SBF2: variants seen among roughly 807,000 people sequenced by gnomAD.
The protein encoded by SBF2 is myotubularin-related protein 13.
SBF2 carries 112 observed loss-of-function variants against 225.2 expected under a neutral mutation model. The ratio of observed to expected loss-of-function variants is 0.50; its 90% CI spans 0.43 to 0.58. The LOEUF is 0.58. Ranked by LOEUF, SBF2 falls within the 20% of genes least tolerant of loss-of-function variation. The pLI, the probability that SBF2 is intolerant of heterozygous loss-of-function variation, is 0.00. For missense variants in SBF2, 1,996 were observed against 2,206.2 expected, an observed-to-expected ratio of 0.90 and a Z score of 1.91; for synonymous variants, 763 against 773.3, an observed-to-expected ratio of 0.99 and a Z score of 0.22.
At position 9,968,365 on chromosome 11, in the gene SBF2, C is replaced by A. The variant is rs771998889; in HGVS notation, c.1576G>T (p.Val526Phe). ...CCAACAGGTGGACCTGCTGGCACAACACATTTCTTTTCTATTCGTGTGGCA... is the reference window on the plus strand; with the variant it reads ...CCAACAGGTGGACCTGCTGGCACAAAACATTTCTTTTCTATTCGTGTGGCA... ...PPATRIEKKC[V>F]VPAGPPVVSI... is the part of the protein sequence containing the mutation. Residue 526 changes from valine to phenylalanine, a missense_variant, in exon 14 of 40, where the codon GTT becomes TTT. Transcript: ENST00000256190. 2 of 1,614,118 alleles carry A rather than the reference C, an allele frequency of 1.2e-6. No individual in the cohort carries two copies. The highest frequency in any genetic ancestry group is 2.2e-5 in the South Asian group (2 of 91,080).
At chr11:9,878,650 G>C (rs180951996) in intron 17 of SBF2, among the ~76,000 whole-genome samples, 46 of 152,214 alleles carry the variant, frequency 3.0e-4, no homozygotes, top group Middle Eastern at 6.8e-3. Flanking sequence ...CTTAAATATA[G>C]GTACTGGAGG....
chr11:10,292,715 A>AG (rs974380070), intron 1 of SBF2, among the ~76,000 whole-genome samples: 1 of 146,354 alleles, frequency 6.8e-6, no homozygotes, highest in African/African-American at 2.5e-5. Flanking sequence ...AAAAGTGGGG[A>AG]GGGGGGGAGG....
At chr11:9,994,121 T>G (rs1947561195) in intron 9 of SBF2, 123 bp from the exon 10 acceptor site, 1 of 784,094 alleles carries the variant, frequency 1.3e-6, no homozygotes. Flanking sequence ...TACAATTCAA[T>G]TAGCTGGGGT....
At chr11:10,060,657 G>A (rs1461819600) in intron 2 of SBF2, among the ~76,000 whole-genome samples, 1 of 152,126 alleles carries the variant, frequency 6.6e-6, no homozygotes, top group Non-Finnish European at 1.5e-5. Flanking sequence ...ACTGAGTCCA[G>A]CAGCACATCA....
chr11:10,100,583 T>C (rs1346758766), intron 2 of SBF2, among the ~76,000 whole-genome samples: 2 of 152,058 alleles, frequency 1.3e-5, no homozygotes, highest in African/African-American at 2.4e-5. Flanking sequence ...CATGGCAGGG[T>C]ATATGTCTGT....
At chr11:9,955,303 T>C (rs972332697) in intron 16 of SBF2, among the ~76,000 whole-genome samples, 2 of 151,264 alleles carry the variant, frequency 1.3e-5, no homozygotes, top group African/African-American at 4.8e-5. Context: ...AGATTTTTAC[T>C]ATCATATACA....
At chr11:10,054,378 A>G (rs1485258881) in intron 2 of SBF2, among the ~76,000 whole-genome samples, 1 of 152,368 alleles carries the variant, frequency 6.6e-6, no homozygotes, top group East Asian at 1.9e-4. Context: ...ATAAGCAATT[A>G]GAAAAAAGAT....
chr11:9,780,627 C>T (rs7927590), intron 39 of SBF2, 111 bp from the exon 40 acceptor site: 5 of 841,206 alleles, frequency 5.9e-6, no homozygotes, highest in South Asian at 2.8e-5. Flanking sequence ...TGCCCCAGAA[C>T]GTCTGTATGA....
intron 16 of SBF2, chr11:9,959,206 T>G: frequency 1.3e-6 from 1 of 780,426 alleles, no homozygotes; most frequent in South Asian, 1.4e-5. Context: ...GAATTTCCAC[T>G]GGGCAGGCAT....
At chr11:9,964,539 A>G (rs1216834230) in intron 14 of SBF2, among the ~76,000 whole-genome samples, 1 of 152,226 alleles carries the variant, frequency 6.6e-6, no homozygotes, top group African/African-American at 2.4e-5. Context: ...CCAAAGAAAA[A>G]CTACATTCCA....
rs190973911 is a variant in SBF2 at position 9,908,541 on chromosome 11, G to A, written c.1861-12530C>T. On this transcript the variant is annotated intron_variant, in intron 16 of 39. Coordinates refer to ENST00000256190, the MANE Select transcript of SBF2 (RefSeq NM_030962.4). ...ACTCAGGAGGCTGAGGCAGGAGAAT[G>A]GCGTGAACCCGGGAGGCGGAGCTTG... 4.0e-3 allele frequency among the ~76,000 whole-genome samples: 607 copies of A among 152,298 alleles called. 1 individual carries two copies. The highest frequency in any genetic ancestry group is 0.014 in the African/African-American group (582 of 41,566).
chr11:9,921,332 A>G (rs1023465253), intron 16 of SBF2, among the ~76,000 whole-genome samples: 1 of 152,074 alleles, frequency 6.6e-6, no homozygotes, highest in Admixed American at 6.6e-5. Context: ...GGCCTCCCAA[A>G]GTGCTGGGAT....
chr11:9,943,121 CA>C (rs1865381221), intron 16 of SBF2, among the ~76,000 whole-genome samples: 1 of 152,048 alleles, frequency 6.6e-6, no homozygotes, highest in Admixed American at 6.6e-5. Context: ...GGGGTTATTG[CA>C]AATCAGTGGT....
In SBF2 at chr11:9,854,497, G is replaced by T. The variant is rs375970544; in HGVS notation, c.2364-785C>A. 3.7e-4 allele frequency among the ~76,000 whole-genome samples: 56 copies of T among 152,332 alleles called. No individual in the cohort carries two copies. In the South Asian group the frequency reaches 4.8e-3, roughly 13 times the overall value. On this transcript the variant is annotated intron_variant, in intron 19 of 39. Coordinates refer to ENST00000256190, the MANE Select transcript of SBF2 (RefSeq NM_030962.4). ...ATTAGCTGAATCAGTGTTAGAGATTGTTAAAGTAAAGCTAAGCAGAGACTA... is the reference window on the plus strand; with the variant it reads ...ATTAGCTGAATCAGTGTTAGAGATTTTTAAAGTAAAGCTAAGCAGAGACTA...
chr11:10,207,861 T>A (rs1957798235), intron 1 of SBF2, among the ~76,000 whole-genome samples: 1 of 152,136 alleles, frequency 6.6e-6, no homozygotes, highest in Non-Finnish European at 1.5e-5. Context: ...TAAAGAAAAC[T>A]ACTATGTCTT....
At chr11:10,011,268 C>G (rs1948445294) in intron 6 of SBF2, among the ~76,000 whole-genome samples, 1 of 152,036 alleles carries the variant, frequency 6.6e-6, no homozygotes, top group African/African-American at 2.4e-5. Flanking sequence ...ACTCCATCAC[C>G]CAGGCTGGAG....
chr11:10,271,095 G>T (rs2135536642), intron 1 of SBF2, among the ~76,000 whole-genome samples: 1 of 149,466 alleles, frequency 6.7e-6, no homozygotes. Context: ...ATGTTAAAAT[G>T]TCAGCAGTAT....
Position 10,028,566 on chromosome 11 carries a change from T to C in SBF2, c.514-9A>G, listed in dbSNP as rs906365170. 1.3e-6 allele frequency: 2 copies of C among 1,549,658 alleles called. No homozygotes were observed. Among genetic ancestry groups the C allele is most frequent in the Non-Finnish European group, 8.9e-7 (1 of 1,121,434 alleles). On this transcript the variant is annotated splice_polypyrimidine_tract_variant and intron_variant, in intron 5 of 39. Coordinates refer to ENST00000256190, the MANE Select transcript of SBF2 (RefSeq NM_030962.4). Reference sequence around the variant, plus strand: ...CCCAAAGAAAACAGCTTCTGCAGAATGGGAGAAACACAAACACACACACAC... The same window carrying C: ...CCCAAAGAAAACAGCTTCTGCAGAACGGGAGAAACACAAACACACACACAC...
chr11:10,250,665 C>T (rs1301440898), intron 1 of SBF2, among the ~76,000 whole-genome samples: 4 of 152,158 alleles, frequency 2.6e-5, no homozygotes, highest in Non-Finnish European at 5.9e-5. Flanking sequence ...TATTACGCCA[C>T]AGTATATTTT....
Sources: gnomAD v4.1 joint callset for allele counts (sites outside exome capture counted in the v4.1 genomes callset) on GRCh38, gnomAD v4.1.1 for gene constraint, MANE v1.5 for transcripts, NCBI Gene and HGNC (gene_info 2026-07-23, HGNC 2026-07-21) for gene names.